The following SYNE1 variants were observed in gnomAD, a reference collection of about 807,000 sequenced individuals.
SYNE1 encodes nesprin-1.
Under a neutral mutation model 1,111.0 loss-of-function variants are expected in SYNE1, and 616 were observed. That is an observed-to-expected ratio of 0.55 (90% CI 0.52 to 0.59). The LOEUF (loss-of-function observed/expected upper bound fraction) is 0.59. Among genes scored for constraint, SYNE1 ranks in the 20% least tolerant of loss-of-function variants. The pLI is 0.00. For synonymous variants in SYNE1, 3,855 were observed against 3,825.8 expected (o/e 1.01, Z -0.28); for missense variants, 10,006 against 10,417.0 (o/e 0.96, Z 1.72).
intron 12 of SYNE1, 148 bp downstream of exon 12, chr6:152,488,248 A>T (rs1203316214): frequency 1.7e-6 from 1 of 593,322 alleles, no homozygotes; most frequent in African/African-American, 1.9e-5. Flanking sequence ...TTATTAAATT[A>T]TATGCAAACT....
rs79703198 is a variant in SYNE1 at position 152,188,030 on chromosome 6, T to C, written c.23301+1222A>G. 7.0e-3 allele frequency among the ~76,000 whole-genome samples: 1,069 copies of C among 152,216 alleles called. 15 individuals carry two copies. Among genetic ancestry groups the C allele is most frequent in the Non-Finnish European group, 6.4e-3 (433 of 67,982 alleles). The stretch of plus-strand genomic sequence containing the variant: ...CATAAGCCACCACACCTGGGTCCTT[T>C]AGACAGTTTTATACATTGTTTTTAC... On this transcript the variant is annotated intron_variant, in intron 128 of 145. Coordinates refer to ENST00000367255, the MANE Select transcript of SYNE1 (RefSeq NM_182961.4).
chr6:152,565,229 T>C (rs1202831611), intron 3 of SYNE1, among the ~76,000 whole-genome samples: 1 of 152,226 alleles, frequency 6.6e-6, no homozygotes, highest in Non-Finnish European at 1.5e-5. Flanking sequence ...TTGTGGAATT[T>C]AGACATTCAA....
Position 152,323,432 on chromosome 6 carries a change from C to CCAAA in SYNE1, c.15917+42_15917+45dup, listed in dbSNP as rs367570905. The CCAAA allele has an allele frequency of 1.4e-3, 2,272 of 1,601,878 alleles. 15 individuals carry two copies. The highest frequency in any genetic ancestry group is 0.012 in the South Asian group (1,056 of 90,876). On this transcript the variant is annotated intron_variant, in intron 82 of 145. Coordinates refer to ENST00000367255, the MANE Select transcript of SYNE1 (RefSeq NM_182961.4). Reference sequence around the variant, plus strand: ...CCAGCCTGGGCGACAGAGCGAGACTCCAAACAAACAAACAAACAAAAGAAT... The same window carrying CCAAA: ...CCAGCCTGGGCGACAGAGCGAGACTCCAAACAAACAAACAAACAAACAAAAGAAT...
At chr6:152,543,447 T>C (rs1282297788) in intron 3 of SYNE1, among the ~76,000 whole-genome samples, 1 of 152,246 alleles carries the variant, frequency 6.6e-6, no homozygotes, top group Non-Finnish European at 1.5e-5. Flanking sequence ...ACTCCCAAGA[T>C]TTGGTAGTTA....
intron 3 of SYNE1, among the ~76,000 whole-genome samples, chr6:152,613,479 A>G (rs548910202): frequency 3.5e-4 from 53 of 152,328 alleles, no homozygotes; most frequent in African/African-American, 1.2e-3. Context: ...ACTACAAACC[A>G]CTGCTCAACA....
Position 152,450,676 on chromosome 6 carries a change from G to T in SYNE1, c.3344C>A (p.Thr1115Asn), listed in dbSNP as rs763767770. 1 of 1,614,084 alleles carries T rather than the reference G, an allele frequency of 6.2e-7. No individual in the cohort carries two copies. The highest frequency in any genetic ancestry group is 2.2e-5 in the East Asian group (1 of 44,876). ...TGGGTCTTCCATGAGCTTCCTGTAG[G>T]TGCTGTCAATGGCAGCTCTGAGCTC... is the stretch of plus-strand genomic sequence containing the variant. ...LKELRAAIDS[T>N]YRKLMEDPDK... is the part of the protein sequence containing the mutation. Residue 1115 changes from threonine to asparagine, a missense_variant, in exon 27 of 146, where the codon ACC becomes AAC. Thr to Asn is a moderately conservative substitution (Grantham distance 65). Coordinates refer to ENST00000367255, the MANE Select transcript of SYNE1 (RefSeq NM_182961.4).
intron 14 of SYNE1, among the ~76,000 whole-genome samples, chr6:152,476,521 C>T (rs888663619): frequency 2.6e-5 from 4 of 152,102 alleles, no homozygotes; most frequent in African/African-American, 9.7e-5. Context: ...GTCTCCATTC[C>T]TAACCCAGTC....
chr6:152,123,178 C>T (rs2052008982), intron 145 of SYNE1, among the ~76,000 whole-genome samples: 1 of 152,200 alleles, frequency 6.6e-6, no homozygotes, highest in South Asian at 2.1e-4. Flanking sequence ...CAGTCTTTGT[C>T]ATTTTGCACA....
At chr6:152,606,947 C>G (rs1308540727) in intron 3 of SYNE1, among the ~76,000 whole-genome samples, 2 of 149,876 alleles carry the variant, frequency 1.3e-5, no homozygotes, top group African/African-American at 4.9e-5. Context: ...AGCCACCGCG[C>G]CCGGCAAAAG....
At chr6:152,500,906 G>T (rs1171970022) in intron 10 of SYNE1, among the ~76,000 whole-genome samples, 3 of 146,594 alleles carry the variant, frequency 2.0e-5, no homozygotes, top group African/African-American at 5.1e-5. Context: ...AGCCGAGATC[G>T]CACCACTGCA....
In SYNE1 at chr6:152,302,068, G is replaced by C. The variant is rs886043152; in HGVS notation, c.17347-5C>G. ...CTTAATTTTCTGCGCCAGCTCCTGA[G>C]GAAACATTTCCCCCACCGGGGTGTC... On this transcript the variant is annotated splice_region_variant and splice_polypyrimidine_tract_variant and intron_variant, in intron 91 of 145. Transcript: ENST00000367255. 6.2e-7 allele frequency: 1 copy of C among 1,614,246 alleles called. No homozygotes were observed. The highest frequency in any genetic ancestry group is 1.3e-5 in the African/African-American group (1 of 75,086).
rs558981093 is a variant in SYNE1 at position 152,333,242 on chromosome 6, A to G, written c.12794+766T>C. On this transcript the variant is annotated intron_variant, in intron 77 of 145. Coordinates refer to ENST00000367255, the MANE Select transcript of SYNE1 (RefSeq NM_182961.4). ...AAAGAAGAAAGCTAAGAGGGGTTCA[A>G]TAACTACAAAATCACAAAAGACACA... Among the ~76,000 whole-genome samples, 16 of 152,300 alleles carry G rather than the reference A, an allele frequency of 1.1e-4. No homozygotes were observed. The Middle Eastern group carries it at 0.02, about 194-fold the overall frequency.
intron 133 of SYNE1, 116 bp downstream of exon 133, chr6:152,154,776 C>T: frequency 8.4e-7 from 1 of 1,191,582 alleles, no homozygotes; most frequent in Non-Finnish European, 1.2e-6. Context: ...AGTCCTCACG[C>T]AGCAATTTGA....
chr6:152,186,411 C>T (rs1405265931), intron 128 of SYNE1, among the ~76,000 whole-genome samples: 1 of 151,632 alleles, frequency 6.6e-6, no homozygotes, highest in Admixed American at 6.6e-5. Context: ...ACAAAATTTA[C>T]AGGGCGTGGT....
At chr6:152,477,704 G>A (rs957458065) in intron 14 of SYNE1, among the ~76,000 whole-genome samples, 2 of 152,124 alleles carry the variant, frequency 1.3e-5, no homozygotes, top group Admixed American at 1.3e-4. Context: ...GCTTACAGAT[G>A]TATCACAAAT....
chr6:152,571,071 C>CT (rs2099452838), intron 3 of SYNE1, among the ~76,000 whole-genome samples: 1 of 151,594 alleles, frequency 6.6e-6, no homozygotes, highest in African/African-American at 2.4e-5. Flanking sequence ...TCTTTTTTGA[C>CT]CTACACAGTA....
intron 117 of SYNE1, among the ~76,000 whole-genome samples, 155 bp from the exon 118 acceptor site, chr6:152,221,714 T>A (rs1562286763): frequency 1.3e-5 from 2 of 152,250 alleles, no homozygotes; most frequent in African/African-American, 4.8e-5. Flanking sequence ...TTTCTTTAGA[T>A]AATCATTTAT....
chr6:152,431,613 C>T (rs521514), intron 34 of SYNE1, among the ~76,000 whole-genome samples: 78,013 of 151,932 alleles, frequency 0.51, 22,119 homozygotes, highest in East Asian at 0.75. Flanking sequence ...CCAAATTATT[C>T]AATCAAAATA....
chr6:152,288,035 T>TC (rs781468447), intron 95 of SYNE1, among the ~76,000 whole-genome samples: 6 of 152,232 alleles, frequency 3.9e-5, no homozygotes, highest in African/African-American at 7.2e-5. Context: ...TTCATAATAA[T>TC]GTTTTGTGCC....
Sources: allele counts gnomAD v4.1 joint callset (sites outside exome capture counted in the v4.1 genomes callset), GRCh38; gene constraint gnomAD v4.1.1; transcripts MANE v1.5; gene names NCBI Gene and HGNC (gene_info 2026-07-23, HGNC 2026-07-21).